The following RP1 variants were observed in gnomAD, a reference collection of about 807,000 sequenced individuals.
The protein encoded by RP1 is RP1 axonemal microtubule associated.
A neutral mutation model predicts 14.8 loss-of-function variants in RP1; 16 were observed. The observed-to-expected ratio is 1.08, with a 90% CI of 0.73 to 1.65. RP1 has a LOEUF of 1.65. RP1 is among the 40% of genes most tolerant of loss of function. The pLI, the probability that RP1 is intolerant of heterozygous loss-of-function variation, is 0.00. For synonymous variants in RP1, 876 were observed against 883.6 expected (o/e 0.99, Z 0.15); for missense variants, 2,631 against 2,535.0 (o/e 1.04, Z -0.81).
At chr8:54,807,528 G>A (rs779170478) in intron 24 of RP1, among the ~76,000 whole-genome samples, 16 of 151,932 alleles carry the variant, frequency 1.1e-4, no homozygotes, top group African/African-American at 1.7e-4. Flanking sequence ...GAGCTTTTCC[G>A]TTAACTTAGA....
intron 1 of RP1, among the ~76,000 whole-genome samples, chr8:54,602,037 C>A (rs975652301): frequency 6.6e-6 from 1 of 151,946 alleles, no homozygotes; most frequent in East Asian, 1.9e-4. Flanking sequence ...ACTGAATCAT[C>A]CATTTTTTTA....
chr8:54,597,441 A>G (rs1215670651), intron 1 of RP1, among the ~76,000 whole-genome samples: 1 of 152,144 alleles, frequency 6.6e-6, no homozygotes, highest in Non-Finnish European at 1.5e-5. Context: ...ATGGAACTTG[A>G]TATCAATTCA....
chr8:54,655,449 A>G (rs1024466766), intron 5 of RP1, among the ~76,000 whole-genome samples: 2 of 65,420 alleles, frequency 3.1e-5, no homozygotes, highest in African/African-American at 8.1e-5. Flanking sequence ...TAAATGGATC[A>G]GGTATAAATA....
chr8:54,809,540 A>T (rs970015907), intron 24 of RP1, among the ~76,000 whole-genome samples: 3 of 152,214 alleles, frequency 2.0e-5, no homozygotes, highest in African/African-American at 7.2e-5. Context: ...TTAAATTCAA[A>T]CAAATTCTCT....
At chr8:54,815,156 T>TA (rs1404768640) in intron 24 of RP1, among the ~76,000 whole-genome samples, 1 of 152,244 alleles carries the variant, frequency 6.6e-6, no homozygotes, top group Non-Finnish European at 1.5e-5. Flanking sequence ...ATTTTTAAGT[T>TA]AAAATCAACC....
intron 12 of RP1, among the ~76,000 whole-genome samples, chr8:54,694,673 T>C (rs1375175839): frequency 2.6e-5 from 4 of 152,202 alleles, no homozygotes; most frequent in African/African-American, 9.6e-5. Context: ...ATATCCCCTT[T>C]ATTATTTTTT....
At chr8:54,641,959 A>G (rs1028533459) in intron 3 of RP1, among the ~76,000 whole-genome samples, 3 of 152,140 alleles carry the variant, frequency 2.0e-5, no homozygotes, top group African/African-American at 7.2e-5. Context: ...TCACAAAGAT[A>G]CTATTCACAT....
At chr8:54,810,549 G>A (rs1810966402) in intron 24 of RP1, among the ~76,000 whole-genome samples, 1 of 151,976 alleles carries the variant, frequency 6.6e-6, no homozygotes, top group African/African-American at 2.4e-5. Context: ...TCCTTCTATT[G>A]GGAAACAGCT....
In RP1 at chr8:54,625,428, G is replaced by T; in HGVS notation, c.1546G>T (p.Val516Leu). 1 of 1,613,932 alleles carries T rather than the reference G, an allele frequency of 6.2e-7. No homozygotes were observed. Among genetic ancestry groups the T allele is most frequent in the Non-Finnish European group, 8.5e-7 (1 of 1,180,038 alleles). ...AATGTCATCAGTATCTAACAAACCAGTACTTGTTCAGATCAATAACAATGA... is the reference window on the plus strand; with the variant it reads ...AATGTCATCAGTATCTAACAAACCATTACTTGTTCAGATCAATAACAATGA... ...SKMSSVSNKP[V>L]LVQINNNDQM... The change falls in exon 4 of 4, where the codon GTA becomes TTA. Residue 516 changes from valine to leucine, a missense_variant. Physicochemically the swap from Val to Leu is conservative, Grantham distance 32 (BLOSUM62 1). Transcript: ENST00000220676.
intron 26 of RP1, among the ~76,000 whole-genome samples, chr8:54,856,013 A>G (rs1440365213): frequency 2.6e-5 from 4 of 152,062 alleles, no homozygotes; most frequent in African/African-American, 9.7e-5. Context: ...ATATATGCAG[A>G]TATCATGAAA....
chr8:54,806,649 G>A (rs539156026), intron 24 of RP1, among the ~76,000 whole-genome samples: 4 of 152,176 alleles, frequency 2.6e-5, no homozygotes, highest in South Asian at 4.1e-4. Context: ...ATAATCAGGC[G>A]TACAACTTAC....
intron 1 of RP1, among the ~76,000 whole-genome samples, chr8:54,601,342 T>C (rs1414938276): frequency 6.7e-6 from 1 of 149,858 alleles, no homozygotes. Context: ...AAACACCGCA[T>C]ATTCTCACTC....
At chr8:54,620,138 A>G (rs1805819568) in intron 1 of RP1, among the ~76,000 whole-genome samples, 1 of 152,234 alleles carries the variant, frequency 6.6e-6, no homozygotes, top group Non-Finnish European at 1.5e-5. Context: ...TCTGCAATCC[A>G]GAGATAACCA....
At chr8:54,612,888 G>A (rs1585551048), upstream of RP1, among the ~76,000 whole-genome samples, 1 of 152,054 alleles carries the variant, frequency 6.6e-6, no homozygotes, top group South Asian at 2.1e-4. Flanking sequence ...TTCTTCTCAC[G>A]TCACTTCTCA....
intron 19 of RP1, among the ~76,000 whole-genome samples, chr8:54,747,633 G>C (rs1341093815): frequency 6.6e-6 from 1 of 152,162 alleles, no homozygotes; most frequent in Non-Finnish European, 1.5e-5. Context: ...GGGTGCATTG[G>C]CTCATGCCTG....
chr8:54,719,980 A>G, intron 15 of RP1: 1 of 644,752 alleles, frequency 1.6e-6, no homozygotes, highest in East Asian at 2.8e-5. Context: ...AATAGGATGA[A>G]GCACACAGGG....
chr8:54,837,703 G>T, intron 25 of RP1: 1 of 1,143,124 alleles, frequency 8.7e-7, no homozygotes, highest in South Asian at 4.5e-5. Context: ...GATGTGTATT[G>T]AAAATTAAAA....
intron 1 of RP1, among the ~76,000 whole-genome samples, chr8:54,619,832 T>C (rs970894067): frequency 2.6e-5 from 4 of 152,248 alleles, no homozygotes; most frequent in Non-Finnish European, 5.9e-5. Flanking sequence ...TCTGACAGTA[T>C]CTTAAGATGG....
At chr8:54,609,168 C>T (rs1349382730) in intron 1 of RP1, among the ~76,000 whole-genome samples, 3 of 152,122 alleles carry the variant, frequency 2.0e-5, no homozygotes, top group Admixed American at 6.5e-5. Context: ...AAAGAACAGT[C>T]TCCTGGCCAG....
Sources: allele counts gnomAD v4.1 joint callset (sites outside exome capture counted in the v4.1 genomes callset), GRCh38; gene constraint gnomAD v4.1.1; transcripts MANE v1.5; gene names NCBI Gene and HGNC (gene_info 2026-07-23, HGNC 2026-07-21).